Variants in RGS7 observed in about 807,000 individuals in gnomAD.
The protein encoded by RGS7 is regulator of G-protein signaling 7.
RGS7 carries 27 observed loss-of-function variants against 81.1 expected under a neutral mutation model. The ratio of observed to expected loss-of-function variants is 0.33; its 90% CI spans 0.25 to 0.46. The LOEUF is 0.46. Ranked by LOEUF, RGS7 falls within the 20% of genes least tolerant of loss-of-function variation. RGS7 has a pLI of 1.00. For synonymous variants in RGS7, 208 were observed against 207.7 expected (o/e 1.00, Z -0.01); for missense variants, 396 against 607.4 (o/e 0.65, Z 3.66).
chr1:241,118,967 G>C (rs1043359968), intron 2 of RGS7, among the ~76,000 whole-genome samples: 2 of 152,192 alleles, frequency 1.3e-5, no homozygotes, highest in African/African-American at 4.8e-5. Context: ...GGGTATACTA[G>C]AAGCCTACTT....
intron 3 of RGS7, among the ~76,000 whole-genome samples, chr1:241,065,329 G>GACAA (rs978040330): frequency 2.0e-5 from 3 of 151,066 alleles, no homozygotes; most frequent in African/African-American, 7.3e-5. Flanking sequence ...ATATATTATA[G>GACAA]ACAAACACCT....
chr1:241,334,939 C>T (rs2082163567), intron 2 of RGS7, among the ~76,000 whole-genome samples: 1 of 152,154 alleles, frequency 6.6e-6, no homozygotes, highest in South Asian at 2.1e-4. Context: ...CAGGCAAGGG[C>T]ACTGGGTTCT....
In RGS7 at chr1:241,272,229, G is replaced by A. The variant is rs200326422; in HGVS notation, c.78+83470C>T. Among the ~76,000 whole-genome samples, 7 of 152,048 alleles carry A rather than the reference G, an allele frequency of 4.6e-5. No homozygotes were observed. The East Asian group carries it at 1.4e-3, about 30-fold the overall frequency. ...AGGGTGGTCTTGATCTCCTGACCTC[G>A]TGATCCACCCACCTCGGCCTCCCAA... is the stretch of plus-strand genomic sequence containing the variant. On this transcript the variant is annotated intron_variant, in intron 2 of 18. Transcript: ENST00000440928.
chr1:241,198,229 T>G (rs4659591), intron 2 of RGS7, among the ~76,000 whole-genome samples: 15,269 of 151,922 alleles, frequency 0.1, 1,261 homozygotes, highest in East Asian at 0.4. Flanking sequence ...AAATTTATAT[T>G]TAATATATAC....
At position 241,213,185 on chromosome 1, in the gene RGS7, A is replaced by C. The variant is rs560337327; in HGVS notation, c.79-114423T>G. Reference sequence around the variant, plus strand: ...CACTGATAGATAATGTTTTGTTTACAAGCATGTCCTTGGGTATGAGACTTT... The same window carrying C: ...CACTGATAGATAATGTTTTGTTTACCAGCATGTCCTTGGGTATGAGACTTT... On this transcript the variant is annotated intron_variant, in intron 2 of 18. Coordinates refer to ENST00000440928, the MANE Select transcript of RGS7 (RefSeq NM_001364886.1). 1.2e-4 allele frequency among the ~76,000 whole-genome samples: 19 copies of C among 152,308 alleles called. No homozygotes were observed. The South Asian group carries it at 3.7e-3, about 30-fold the overall frequency.
At chr1:240,938,220 G>T (rs946867019) in intron 4 of RGS7, among the ~76,000 whole-genome samples, 3 of 152,176 alleles carry the variant, frequency 2.0e-5, no homozygotes, top group African/African-American at 7.2e-5. Context: ...GATCATGGGT[G>T]GTTGAATCCA....
At chr1:240,963,496 C>T (rs1681795634) in intron 4 of RGS7, among the ~76,000 whole-genome samples, 1 of 152,018 alleles carries the variant, frequency 6.6e-6, no homozygotes, top group Admixed American at 6.6e-5. Context: ...GAAGTTATGG[C>T]ACAACAAAGA....
At chr1:241,200,301 A>T (rs186519661) in intron 2 of RGS7, among the ~76,000 whole-genome samples, 60 of 152,186 alleles carry the variant, frequency 3.9e-4, no homozygotes, top group Middle Eastern at 6.8e-3. Flanking sequence ...TGATTTTTTT[A>T]AAAAAAGCTT....
chr1:240,853,411 C>CT (rs1187618784), intron 9 of RGS7, among the ~76,000 whole-genome samples: 1 of 152,158 alleles, frequency 6.6e-6, no homozygotes, highest in Non-Finnish European at 1.5e-5. Context: ...TAAGATACAA[C>CT]TTCTTGGTCC....
At chr1:240,920,670 G>T in intron 6 of RGS7, 1 of 853,882 alleles carries the variant, frequency 1.2e-6, no homozygotes, top group Non-Finnish European at 1.9e-6. Flanking sequence ...GAAGCTACAG[G>T]TTACCACAGA....
intron 3 of RGS7, among the ~76,000 whole-genome samples, chr1:241,083,205 G>A (rs1473335353): frequency 3.7e-5 from 5 of 135,178 alleles, no homozygotes; most frequent in Non-Finnish European, 7.7e-5. Flanking sequence ...CAGCCTGGGC[G>A]ACAGAGCGAG....
intron 1 of RGS7, 82 bp from the exon 2 acceptor site, chr1:241,355,908 C>T: frequency 1.3e-6 from 1 of 773,316 alleles, no homozygotes. Context: ...ACCCACCCCA[C>T]ATGGCGCGTT....
intron 2 of RGS7, among the ~76,000 whole-genome samples, chr1:241,311,369 T>C (rs963467822): frequency 6.6e-6 from 1 of 152,244 alleles, no homozygotes; most frequent in African/African-American, 2.4e-5. Flanking sequence ...AGTGTTTCAC[T>C]AGTTAATTGG....
At chr1:241,000,442 C>T (rs1687958117) in intron 3 of RGS7, among the ~76,000 whole-genome samples, 1 of 151,956 alleles carries the variant, frequency 6.6e-6, no homozygotes. Flanking sequence ...ATTAATTATC[C>T]CTTAATAGGT....
chr1:241,003,017 A>G (rs906776233), intron 3 of RGS7, among the ~76,000 whole-genome samples: 22 of 152,332 alleles, frequency 1.4e-4, no homozygotes, highest in Non-Finnish European at 2.6e-4. Context: ...ATACTTATAA[A>G]TTTATAGTTA....
chr1:241,193,665 T>C (rs926741113), intron 2 of RGS7, among the ~76,000 whole-genome samples: 4 of 152,166 alleles, frequency 2.6e-5, no homozygotes, highest in African/African-American at 7.2e-5. Flanking sequence ...TTTGAGAAGA[T>C]TGAGTTTCAT....
At chr1:241,046,088 GTTTT>G (rs2060909032) in intron 3 of RGS7, among the ~76,000 whole-genome samples, 1 of 151,960 alleles carries the variant, frequency 6.6e-6, no homozygotes, top group African/African-American at 2.4e-5. Context: ...TTGTTTGTTT[GTTTT>G]GTTTTTCATA....
intron 2 of RGS7, among the ~76,000 whole-genome samples, chr1:241,135,790 T>A (rs970585982): frequency 2.0e-5 from 3 of 151,974 alleles, no homozygotes; most frequent in Admixed American, 2.0e-4. Flanking sequence ...CTTTTTTTAT[T>A]ATTTTTTTTT....
Position 240,961,457 on chromosome 1 carries a change from G to A in RGS7, c.226+21622C>T, listed in dbSNP as rs149278732. On this transcript the variant is annotated intron_variant, in intron 4 of 18. Transcript: ENST00000440928. ...GGGAGCTCAATTTAGCTTTATTGGG[G>A]TCTTTAGAAATTTACTATTAATATG... Among the ~76,000 whole-genome samples, 804 of 152,198 alleles carry A rather than the reference G, an allele frequency of 5.3e-3. 12 individuals carry two copies. Among genetic ancestry groups the A allele is most frequent in the African/African-American group, 0.018 (744 of 41,506 alleles).
Sources: allele counts gnomAD v4.1 joint callset (sites outside exome capture counted in the v4.1 genomes callset), GRCh38; gene constraint gnomAD v4.1.1; transcripts MANE v1.5; gene names NCBI Gene and HGNC (gene_info 2026-07-23, HGNC 2026-07-21).